Variants in MYRIP observed in about 807,000 individuals in gnomAD.
The protein encoded by MYRIP is rab effector MyRIP.
MYRIP carries 49 observed loss-of-function variants against 98.0 expected under a neutral mutation model. That is an observed-to-expected ratio of 0.50 (90% CI 0.40 to 0.63). The LOEUF is 0.63. Among genes scored for constraint, MYRIP ranks in the 30% least tolerant of loss-of-function variants. The pLI, the probability that MYRIP is intolerant of heterozygous loss-of-function variation, is 0.00. For synonymous variants in MYRIP, 404 were observed against 409.5 expected (o/e 0.99, Z 0.16); for missense variants, 1,004 against 1,058.2 (o/e 0.95, Z 0.71).
chr3:40,026,687 T>A (rs1034046150), intron 2 of MYRIP, among the ~76,000 whole-genome samples: 2 of 152,168 alleles, frequency 1.3e-5, no homozygotes, highest in Non-Finnish European at 2.9e-5. Flanking sequence ...ACATTCACTG[T>A]TCAGTCTGCA....
intron 11 of MYRIP, among the ~76,000 whole-genome samples, chr3:40,215,195 T>C (rs542633553): frequency 2.6e-5 from 4 of 152,122 alleles, no homozygotes; most frequent in Non-Finnish European, 5.9e-5. Flanking sequence ...TTATTAATTA[T>C]CACAAGTAGC....
intron 1 of MYRIP, among the ~76,000 whole-genome samples, chr3:39,884,504 C>T (rs1012276640): frequency 1.3e-5 from 2 of 152,068 alleles, no homozygotes; most frequent in African/African-American, 4.8e-5. Flanking sequence ...GGGCCCCCAT[C>T]CAGTTAGTTG....
intron 3 of MYRIP, among the ~76,000 whole-genome samples, chr3:40,136,668 A>T (rs1254932585): frequency 2.6e-5 from 4 of 151,964 alleles, no homozygotes; most frequent in Non-Finnish European, 4.4e-5. Flanking sequence ...AAAGAACAGA[A>T]ATTATAACAA....
intron 2 of MYRIP, among the ~76,000 whole-genome samples, chr3:40,039,602 G>A (rs187976852): frequency 5.3e-4 from 81 of 152,100 alleles, no homozygotes; most frequent in Non-Finnish European, 7.2e-4. Flanking sequence ...TGGAAATAAA[G>A]AACATATATT....
chr3:39,933,096 T>C (rs1944577732), intron 2 of MYRIP, among the ~76,000 whole-genome samples: 1 of 152,224 alleles, frequency 6.6e-6, no homozygotes. Flanking sequence ...ATTATGATCT[T>C]TCTGATTTCT....
At chr3:39,896,449 C>T (rs1943613140) in intron 1 of MYRIP, among the ~76,000 whole-genome samples, 1 of 152,234 alleles carries the variant, frequency 6.6e-6, no homozygotes, top group South Asian at 2.1e-4. Context: ...CTGCAAAGAA[C>T]AGTCACAGTG....
At chr3:40,085,909 G>A (rs1199090727) in intron 3 of MYRIP, among the ~76,000 whole-genome samples, 1 of 152,072 alleles carries the variant, frequency 6.6e-6, no homozygotes, top group Non-Finnish European at 1.5e-5. Flanking sequence ...AAAGGCAAAG[G>A]AACCTAAATG....
intron 3 of MYRIP, among the ~76,000 whole-genome samples, chr3:40,089,251 T>C (rs1948694219): frequency 6.6e-6 from 1 of 152,222 alleles, no homozygotes; most frequent in African/African-American, 2.4e-5. Flanking sequence ...AATCCAAAAC[T>C]GGACTCTTAG....
Position 40,212,217 on chromosome 3 carries a change from T to TAC in MYRIP, c.1905+2125_1905+2126insCA, listed in dbSNP as rs1228400315. Among the ~76,000 whole-genome samples the TAC allele has an allele frequency of 9.0e-5, 7 of 77,518 alleles. 1 individual carries two copies. Among genetic ancestry groups the TAC allele is most frequent in the East Asian group, 5.5e-4 (2 of 3,658 alleles). The allele number at this position is 77,518 out of a possible 152,430, so 50.9% of individuals were successfully genotyped here. Reference sequence around the variant, plus strand: ...ATACATATATATACGTGTGTGTATATATATATATACACACACACACACACA... The same window carrying TAC: ...ATACATATATATACGTGTGTGTATATACATATATATACACACACACACACACA... On this transcript the variant is annotated intron_variant, in intron 11 of 16. Transcript: ENST00000302541.
chr3:40,183,960 G>T (rs1219508618), intron 9 of MYRIP, among the ~76,000 whole-genome samples: 1 of 152,164 alleles, frequency 6.6e-6, no homozygotes, highest in Non-Finnish European at 1.5e-5. Flanking sequence ...TCATTCTAAA[G>T]ATTTACCAAA....
Position 40,226,806 on chromosome 3 carries a change from G to A in MYRIP, c.1906-7053G>A, listed in dbSNP as rs1239054729. 2.0e-5 allele frequency among the ~76,000 whole-genome samples: 3 copies of A among 152,150 alleles called. No individual in the cohort carries two copies. In the East Asian group the frequency reaches 5.8e-4, roughly 29 times the overall value. On this transcript the variant is annotated intron_variant, in intron 11 of 16. Transcript: ENST00000302541. ...AGCACTCAGTGAGTTACTGTTAACA[G>A]CAGCAGCAAGAACCTGCAGTGGCAC...
intron 3 of MYRIP, among the ~76,000 whole-genome samples, chr3:40,060,596 T>TGAGAGAGAGAGAGAGAGAGAGAGA (rs35495297): frequency 0.015 from 2,146 of 138,684 alleles, 54 homozygotes; most frequent in South Asian, 0.035. Flanking sequence ...TTTCTTTTTT[T>TGAGAGAGAGAGAGAGAGAGAGAGA]GAGAGAGAGA....
At chr3:39,815,456 A>G (rs1271039519) in intron 1 of MYRIP, among the ~76,000 whole-genome samples, 1 of 152,104 alleles carries the variant, frequency 6.6e-6, no homozygotes, top group Non-Finnish European at 1.5e-5. Flanking sequence ...ACATCTTAGT[A>G]TCCCTTCATT....
At chr3:40,034,183 C>T (rs1476952978) in intron 2 of MYRIP, among the ~76,000 whole-genome samples, 1 of 151,688 alleles carries the variant, frequency 6.6e-6, no homozygotes, top group African/African-American at 2.4e-5. Context: ...ATGTCTAAAA[C>T]ACCAAAAGCA....
At chr3:40,011,604 T>C (rs1277808042) in intron 2 of MYRIP, among the ~76,000 whole-genome samples, 1 of 152,238 alleles carries the variant, frequency 6.6e-6, no homozygotes, top group Non-Finnish European at 1.5e-5. Flanking sequence ...TGCCTTGTTG[T>C]GATTAAGCTC....
At chr3:40,227,600 C>T (rs1559465498) in intron 11 of MYRIP, among the ~76,000 whole-genome samples, 1 of 152,084 alleles carries the variant, frequency 6.6e-6, no homozygotes, top group East Asian at 1.9e-4. Context: ...AAACAAGAAA[C>T]AAAGAGCAGC....
At chr3:39,928,801 T>G (rs901201824) in intron 2 of MYRIP, among the ~76,000 whole-genome samples, 2 of 151,978 alleles carry the variant, frequency 1.3e-5, no homozygotes, top group African/African-American at 4.8e-5. Context: ...CTCTCCACTC[T>G]TAATCAGCTT....
intron 3 of MYRIP, among the ~76,000 whole-genome samples, chr3:40,051,415 C>T (rs1018588413): frequency 3.9e-5 from 6 of 152,088 alleles, no homozygotes; most frequent in Non-Finnish European, 8.8e-5. Context: ...ATTTTTGGGG[C>T]ACAATGCTGT....
intron 1 of MYRIP, among the ~76,000 whole-genome samples, chr3:39,889,480 G>A (rs1197778891): frequency 6.6e-6 from 1 of 152,096 alleles, no homozygotes; most frequent in Admixed American, 6.5e-5. Flanking sequence ...ACTGAACAAT[G>A]AGAACACATG....
Sources: allele counts gnomAD v4.1 joint callset (sites outside exome capture counted in the v4.1 genomes callset), GRCh38; gene constraint gnomAD v4.1.1; transcripts MANE v1.5; gene names NCBI Gene and HGNC (gene_info 2026-07-23, HGNC 2026-07-21).